Variants in TLE4 observed in about 807,000 individuals in gnomAD.
TLE4 encodes the protein transducin-like enhancer protein 4.
In TLE4, 8 loss-of-function variants were observed where a neutral mutation model predicts 92.8. That is an observed-to-expected ratio of 0.09 (90% confidence interval 0.05 to 0.16). The LOEUF is 0.16. TLE4 is among the 10% of genes least tolerant of loss of function. TLE4 has a pLI of 1.00. For missense variants in TLE4, 675 were observed against 997.6 expected (o/e 0.68, Z 4.36); for synonymous variants, 371 against 374.1 (o/e 0.99, Z 0.10).
chr9:79,587,137 G>T (rs1225638346), intron 4 of TLE4, among the ~76,000 whole-genome samples: 1 of 152,164 alleles, frequency 6.6e-6, no homozygotes, highest in Non-Finnish European at 1.5e-5. Context: ...ACAATGCCTG[G>T]AATATAGTAG....
chr9:79,716,718 TTC>T (rs1430775831), intron 14 of TLE4, among the ~76,000 whole-genome samples: 1 of 152,232 alleles, frequency 6.6e-6, no homozygotes, highest in African/African-American at 2.4e-5. Context: ...TATTGCCATT[TTC>T]TCTGTCCTTT....
Position 79,653,674 on chromosome 9 carries a change from TAA to T in TLE4, c.593-384_593-383del, listed in dbSNP as rs753496445. Among the ~76,000 whole-genome samples the T allele has an allele frequency of 8.0e-4, 122 of 152,322 alleles. 1 individual carries two copies. The highest frequency in any genetic ancestry group is 2.9e-3 in the African/African-American group (119 of 41,576). The stretch of plus-strand genomic sequence containing the variant: ...GCATCCTTACTGTGAATTATAATAT[TAA>T]GTCAGTGATTTTTATCACATATGCA... On this transcript the variant is annotated intron_variant, in intron 7 of 19. Coordinates refer to ENST00000376552, the MANE Select transcript of TLE4 (RefSeq NM_007005.6).
chr9:79,620,997 C>T (rs1462876973), intron 5 of TLE4, among the ~76,000 whole-genome samples: 2 of 152,158 alleles, frequency 1.3e-5, no homozygotes, highest in African/African-American at 2.4e-5. Flanking sequence ...ACCCCCATGA[C>T]CCAGACACCT....
At chr9:79,670,502 C>G (rs759246153) in intron 8 of TLE4, among the ~76,000 whole-genome samples, 7 of 152,186 alleles carry the variant, frequency 4.6e-5, no homozygotes, top group Non-Finnish European at 4.4e-5. Flanking sequence ...CTTTCCTCCC[C>G]CTCCTTTCCC....
At chr9:79,685,385 G>A (rs776603654) in intron 8 of TLE4, among the ~76,000 whole-genome samples, 5 of 152,116 alleles carry the variant, frequency 3.3e-5, no homozygotes, top group Non-Finnish European at 7.4e-5. Context: ...GCTTGGGCAT[G>A]TGTGGTATTT....
chr9:79,601,652 T>A (rs2045695151), intron 4 of TLE4: 1 of 366,098 alleles, frequency 2.7e-6, no homozygotes, highest in Non-Finnish European at 5.4e-6. Flanking sequence ...TTAATTAATG[T>A]GTGTGTTCTG....
intron 8 of TLE4, among the ~76,000 whole-genome samples, chr9:79,680,681 G>C (rs1403808928): frequency 1.3e-5 from 2 of 152,176 alleles, no homozygotes; most frequent in Non-Finnish European, 2.9e-5. Flanking sequence ...GGAGTGGTGA[G>C]AGAGGGCATC....
At chr9:79,623,440 T>C (rs76764751) in intron 5 of TLE4, among the ~76,000 whole-genome samples, 1,710 of 152,244 alleles carry the variant, frequency 0.011, 36 homozygotes, top group African/African-American at 0.039. Flanking sequence ...ATAGAAAAAA[T>C]ATATTAGTAC....
At chr9:79,674,240 G>A (rs951121570) in intron 8 of TLE4, among the ~76,000 whole-genome samples, 1 of 152,114 alleles carries the variant, frequency 6.6e-6, no homozygotes, top group African/African-American at 2.4e-5. Context: ...TTAGCACTGT[G>A]GGTGCATATA....
chr9:79,706,964 T>G, intron 11 of TLE4, 65 bp downstream of exon 11: 5 of 1,582,994 alleles, frequency 3.2e-6, no homozygotes, highest in Admixed American at 1.8e-5. Context: ...AATTTGATGT[T>G]TTTATCTTTA....
chr9:79,653,950 C>A, intron 7 of TLE4, 109 bp from the exon 8 acceptor site: 2 of 1,236,318 alleles, frequency 1.6e-6, no homozygotes, highest in Non-Finnish European at 2.4e-6. Context: ...TATTATTTAG[C>A]AGAGATCAAG....
chr9:79,693,387 G>T (rs570182835), intron 8 of TLE4, among the ~76,000 whole-genome samples: 1 of 152,032 alleles, frequency 6.6e-6, no homozygotes, highest in Non-Finnish European at 1.5e-5. Context: ...AAGGTCAGTG[G>T]GTATCTGTTT....
intron 19 of TLE4, among the ~76,000 whole-genome samples, chr9:79,723,935 A>G (rs985758462): frequency 6.6e-6 from 1 of 152,186 alleles, no homozygotes; most frequent in African/African-American, 2.4e-5. Context: ...CATAAGTACT[A>G]TGTCTTTAAG....
intron 8 of TLE4, among the ~76,000 whole-genome samples, chr9:79,693,380 G>A (rs551206487): frequency 6.2e-4 from 94 of 152,270 alleles, no homozygotes; most frequent in African/African-American, 2.2e-3. Flanking sequence ...GTGGAGGAAG[G>A]TCAGTGGGTA....
At chr9:79,693,310 G>C (rs889194343) in intron 8 of TLE4, among the ~76,000 whole-genome samples, 7 of 152,048 alleles carry the variant, frequency 4.6e-5, no homozygotes, top group African/African-American at 1.7e-4. Context: ...CCCAACCTCT[G>C]TGGTCTAGCT....
chr9:79,663,159 C>T (rs943517594), intron 8 of TLE4, among the ~76,000 whole-genome samples: 1 of 152,144 alleles, frequency 6.6e-6, no homozygotes, highest in African/African-American at 2.4e-5. Context: ...CTAGCGGCAA[C>T]GGCAATCATG....
At position 79,572,764 on chromosome 9, in the gene TLE4, C is replaced by G. The variant is rs781403946; in HGVS notation, c.-27C>G. Reference sequence around the variant, plus strand: ...AAGCCAATGAGCCGCGCGCCTCTGCCGAGCGCAGCCAACTAAATCGGCTTG... The same window carrying G: ...AAGCCAATGAGCCGCGCGCCTCTGCGGAGCGCAGCCAACTAAATCGGCTTG... On this transcript the variant is annotated 5_prime_UTR_variant, in exon 1 of 20. Transcript: ENST00000376552. The G allele has an allele frequency of 1.3e-6, 2 of 1,596,414 alleles. No individual in the cohort carries two copies. Among genetic ancestry groups the G allele is most frequent in the African/African-American group, 1.4e-5 (1 of 72,648 alleles).
chr9:79,650,343 A>G (rs1189238016), intron 6 of TLE4, among the ~76,000 whole-genome samples: 1 of 152,228 alleles, frequency 6.6e-6, no homozygotes, highest in Non-Finnish European at 1.5e-5. Context: ...GATTCTAAGA[A>G]GGGAGGTAAG....
At chr9:79,678,555 C>T (rs751275476) in intron 8 of TLE4, among the ~76,000 whole-genome samples, 22 of 151,910 alleles carry the variant, frequency 1.4e-4, no homozygotes, top group African/African-American at 2.7e-4. Context: ...ATCAAAATCA[C>T]CTGAACGTTG....
Sources: gnomAD v4.1 joint callset for allele counts (sites outside exome capture counted in the v4.1 genomes callset) on GRCh38, gnomAD v4.1.1 for gene constraint, MANE v1.5 for transcripts, NCBI Gene and HGNC (gene_info 2026-07-23, HGNC 2026-07-21) for gene names.